Variants in NRG1 observed in about 807,000 individuals in gnomAD.
NRG1 encodes the protein neuregulin 1.
Under a neutral mutation model 63.8 loss-of-function variants are expected in NRG1, and 18 were observed. The ratio of observed to expected loss-of-function variants is 0.28; its 90% CI spans 0.19 to 0.42. The LOEUF (loss-of-function observed/expected upper bound fraction) is 0.42, where lower values mean the gene tolerates loss of function less well. Among genes scored for constraint, NRG1 ranks in the 10% least tolerant of loss-of-function variants. The pLI, the probability that NRG1 is intolerant of heterozygous loss-of-function variation, is 1.00. For synonymous variants in NRG1, 302 were observed against 301.3 expected, an observed-to-expected ratio of 1.00 and a Z score of -0.02; for missense variants, 762 against 814.7, an observed-to-expected ratio of 0.94 and a Z score of 0.79.
chr8:32,560,189 TG>T (rs1203745089), intron 1 of NRG1, among the ~76,000 whole-genome samples: 1 of 150,218 alleles, frequency 6.7e-6, no homozygotes, highest in Non-Finnish European at 1.5e-5. Flanking sequence ...TTTATTTATC[TG>T]AGTCCTTTTA....
chr8:32,075,570 A>C (rs1002783329), intron 1 of NRG1, among the ~76,000 whole-genome samples: 18 of 152,340 alleles, frequency 1.2e-4, no homozygotes, highest in African/African-American at 4.3e-4. Flanking sequence ...ATTACTTATA[A>C]TACCTAATAT....
intron 1 of NRG1, among the ~76,000 whole-genome samples, chr8:32,004,575 C>T (rs1813451445): frequency 6.6e-6 from 1 of 151,688 alleles, no homozygotes; most frequent in South Asian, 2.1e-4. Flanking sequence ...AAATCTAATA[C>T]TGTTTAAAAA....
intron 1 of NRG1, among the ~76,000 whole-genome samples, chr8:32,383,559 T>C (rs566904706): frequency 1.3e-5 from 2 of 152,312 alleles, no homozygotes; most frequent in African/African-American, 2.4e-5. Flanking sequence ...GACAGACATA[T>C]AATTTTTGCC....
chr8:32,695,654 T>C (rs922462247), intron 5 of NRG1, among the ~76,000 whole-genome samples: 1 of 152,222 alleles, frequency 6.6e-6, no homozygotes, highest in Non-Finnish European at 1.5e-5. Flanking sequence ...TGACGTTCAC[T>C]GTGATGTTGG....
chr8:32,071,126 C>T (rs990849613), intron 1 of NRG1, among the ~76,000 whole-genome samples: 11 of 152,202 alleles, frequency 7.2e-5, no homozygotes, highest in African/African-American at 2.7e-4. Flanking sequence ...TCCACCGTAG[C>T]ACTTCTCATG....
At chr8:31,763,721 C>T (rs1020684639) in intron 1 of NRG1, among the ~76,000 whole-genome samples, 16 of 152,246 alleles carry the variant, frequency 1.1e-4, no homozygotes, top group Admixed American at 7.8e-4. Flanking sequence ...GAGGCCGAGG[C>T]GGGCAGATCA....
intron 1 of NRG1, among the ~76,000 whole-genome samples, chr8:32,363,034 T>G (rs1258833132): frequency 6.6e-6 from 1 of 152,214 alleles, no homozygotes; most frequent in East Asian, 1.9e-4. Flanking sequence ...CTGCCCATGC[T>G]GCTGAAGTTT....
chr8:32,612,767 G>A (rs1424196065), intron 3 of NRG1, among the ~76,000 whole-genome samples: 1 of 151,874 alleles, frequency 6.6e-6, no homozygotes, highest in Non-Finnish European at 1.5e-5. Flanking sequence ...ATTGGGATTG[G>A]GACTTCTGCC....
chr8:32,573,827 G>A (rs935814221), intron 1 of NRG1, among the ~76,000 whole-genome samples: 5 of 151,408 alleles, frequency 3.3e-5, no homozygotes, highest in East Asian at 1.9e-4. Context: ...AACAGTCCCC[G>A]GTATGTGAAA....
chr8:32,244,305 A>T (rs1046463129), intron 1 of NRG1, among the ~76,000 whole-genome samples: 4 of 152,176 alleles, frequency 2.6e-5, no homozygotes, highest in African/African-American at 9.7e-5. Flanking sequence ...TGGTCTTTGC[A>T]TATTTATATT....
rs73675180 is a variant in NRG1 at position 32,410,046 on chromosome 8, A to C, written c.38-185782A>C. 6.0e-3 allele frequency among the ~76,000 whole-genome samples: 914 copies of C among 152,136 alleles called. 11 individuals are homozygous for C. Among genetic ancestry groups the C allele is most frequent in the African/African-American group, 0.021 (877 of 41,510 alleles). On this transcript the variant is annotated intron_variant, in intron 1 of 10. Coordinates refer to the NRG1 transcript ENST00000519301. ...TATTCCTTGAAAGGATTCTTCAGTT[A>C]TCCCACCAACAATCAGAGGCAGCAG... is the stretch of plus-strand genomic sequence containing the variant.
chr8:31,801,117 G>A (rs1821744859), intron 1 of NRG1, among the ~76,000 whole-genome samples: 1 of 151,792 alleles, frequency 6.6e-6, no homozygotes, highest in African/African-American at 2.4e-5. Flanking sequence ...AAAGTGCTGG[G>A]GTTACAAGTG....
chr8:31,953,635 T>G (rs932832757), intron 1 of NRG1, among the ~76,000 whole-genome samples: 1 of 152,202 alleles, frequency 6.6e-6, no homozygotes, highest in Non-Finnish European at 1.5e-5. Flanking sequence ...GGCCAGAACT[T>G]TAGTCTACTT....
intron 1 of NRG1, among the ~76,000 whole-genome samples, chr8:32,301,773 C>T (rs35375556): frequency 0.3 from 44,963 of 152,004 alleles, 7,700 homozygotes; most frequent in South Asian, 0.45. Flanking sequence ...CAGGAAAGAC[C>T]GGCCTGCATA....
intron 1 of NRG1, among the ~76,000 whole-genome samples, chr8:32,059,837 T>A (rs934009755): frequency 7.2e-5 from 11 of 151,982 alleles, no homozygotes; most frequent in African/African-American, 2.7e-4. Flanking sequence ...TTTTCTTTAA[T>A]ATGTTCTCGC....
chr8:32,543,926 C>G (rs1369950418), upstream of NRG1, among the ~76,000 whole-genome samples: 4 of 152,124 alleles, frequency 2.6e-5, no homozygotes, highest in Non-Finnish European at 4.4e-5. Flanking sequence ...ACTCAACATG[C>G]ATGTTGATGC....
intron 1 of NRG1, among the ~76,000 whole-genome samples, chr8:31,786,089 CA>C (rs1464673443): frequency 6.6e-6 from 1 of 152,080 alleles, no homozygotes; most frequent in African/African-American, 2.4e-5. Flanking sequence ...CACTGTATGC[CA>C]AGAAATATTC....
intron 1 of NRG1, among the ~76,000 whole-genome samples, chr8:32,589,988 C>T (rs917034182): frequency 1.3e-5 from 2 of 152,164 alleles, no homozygotes; most frequent in East Asian, 3.9e-4. Flanking sequence ...AATTGTGTGA[C>T]ATAGCAAATA....
chr8:31,841,543 C>T (rs1409478072), intron 1 of NRG1, among the ~76,000 whole-genome samples: 3 of 152,046 alleles, frequency 2.0e-5, no homozygotes, highest in Non-Finnish European at 4.4e-5. Flanking sequence ...GTGCAATCCA[C>T]AGATAAAAGG....
Sources: allele counts gnomAD v4.1 joint callset (sites outside exome capture counted in the v4.1 genomes callset), GRCh38; gene constraint gnomAD v4.1.1; transcripts MANE v1.5; gene names NCBI Gene and HGNC (gene_info 2026-07-23, HGNC 2026-07-21).